The following ITGA8 variants were observed in gnomAD, a reference collection of about 807,000 sequenced individuals.
ITGA8 encodes the protein integrin subunit alpha 8.
A neutral mutation model predicts 142.3 loss-of-function variants in ITGA8; 91 were observed. That is an observed-to-expected ratio of 0.64 (90% CI 0.54 to 0.76). The LOEUF is 0.76. ITGA8 is among the 30% of genes least tolerant of loss of function. The pLI, the probability that ITGA8 is intolerant of heterozygous loss-of-function variation, is 0.00. For synonymous variants in ITGA8, 505 were observed against 485.2 expected, an observed-to-expected ratio of 1.04 and a Z score of -0.54; for missense variants, 1,406 against 1,327.7, an observed-to-expected ratio of 1.06 and a Z score of -0.92.
At chr10:15,674,141 A>T (rs2131689793) in intron 6 of ITGA8, among the ~76,000 whole-genome samples, 1 of 152,284 alleles carries the variant, frequency 6.6e-6, no homozygotes, top group Middle Eastern at 3.4e-3. Flanking sequence ...AGTGACTGGG[A>T]CTTGAAATGA....
chr10:15,653,093 C>T (rs183502365), intron 11 of ITGA8, among the ~76,000 whole-genome samples: 3 of 152,230 alleles, frequency 2.0e-5, no homozygotes, highest in African/African-American at 7.2e-5. Context: ...TCACGCTCCA[C>T]AGCTCTCTGC....
At position 15,579,902 on chromosome 10, in the gene ITGA8, T is replaced by C. The variant is rs987110907; in HGVS notation, c.2373-4308A>G. On this transcript the variant is annotated intron_variant, in intron 23 of 29. Transcript: ENST00000378076. ...AAATTTATAGCACTAAATGCTTATA[T>C]ACAAAAAAAGATCTCCAGTCAAGCA... Among the ~76,000 whole-genome samples, 8 of 151,544 alleles carry C rather than the reference T, an allele frequency of 5.3e-5. No individual in the cohort carries two copies. In the East Asian group the frequency reaches 1.5e-3, roughly 29 times the overall value.
At chr10:15,674,260 C>G (rs1438818943) in intron 6 of ITGA8, among the ~76,000 whole-genome samples, 13 of 152,224 alleles carry the variant, frequency 8.5e-5, no homozygotes, top group Admixed American at 7.9e-4. Flanking sequence ...TCCTCCATCC[C>G]ACATACACAC....
chr10:15,600,384 A>G (rs1166017923), intron 20 of ITGA8, among the ~76,000 whole-genome samples: 1 of 152,252 alleles, frequency 6.6e-6, no homozygotes, highest in Non-Finnish European at 1.5e-5. Context: ...TTAAGTCTCA[A>G]TTATTATTTG....
At chr10:15,644,864 C>T (rs558691597) in intron 12 of ITGA8, among the ~76,000 whole-genome samples, 28 of 151,660 alleles carry the variant, frequency 1.8e-4, no homozygotes, top group African/African-American at 5.8e-4. Flanking sequence ...GAGGCCGAGG[C>T]GGGCGGATCA....
chr10:15,616,694 C>A, intron 13 of ITGA8, 135 bp from the exon 14 acceptor site: 2 of 739,646 alleles, frequency 2.7e-6, no homozygotes, highest in South Asian at 1.6e-5. Context: ...AGAGAAATCA[C>A]ACCTTTCTTA....
intron 14 of ITGA8, among the ~76,000 whole-genome samples, chr10:15,615,889 C>G (rs564590778): frequency 6.6e-6 from 1 of 152,278 alleles, no homozygotes; most frequent in South Asian, 2.1e-4. Flanking sequence ...GTACACCACA[C>G]GCATATTCTC....
chr10:15,648,012 G>T lies in ITGA8; in HGVS notation c.1002-961C>A, dbSNP rs955881817. On this transcript the variant is annotated intron_variant, in intron 11 of 29. Coordinates refer to ENST00000378076, the MANE Select transcript of ITGA8 (RefSeq NM_003638.3). ...TTCAAGCAAATTATTTAGAGATAAAGATATAACCACCTGGAGAAAAAATAA... is the reference window on the plus strand; with the variant it reads ...TTCAAGCAAATTATTTAGAGATAAATATATAACCACCTGGAGAAAAAATAA... 2.0e-5 allele frequency among the ~76,000 whole-genome samples: 3 copies of T among 152,210 alleles called. No homozygotes were observed. The East Asian group carries it at 5.8e-4, about 29-fold the overall frequency.
chr10:15,670,684 C>CT (rs1316184917), intron 8 of ITGA8, among the ~76,000 whole-genome samples: 1 of 152,174 alleles, frequency 6.6e-6, no homozygotes, highest in Non-Finnish European at 1.5e-5. Context: ...GATTTGTTCT[C>CT]TTTTTTTCTT....
chr10:15,668,342 C>T (rs1306320137), intron 8 of ITGA8, among the ~76,000 whole-genome samples: 1 of 151,422 alleles, frequency 6.6e-6, no homozygotes, highest in Non-Finnish European at 1.5e-5. Context: ...GGATTGCAAC[C>T]CCTGCCTTTT....
intron 24 of ITGA8, among the ~76,000 whole-genome samples, chr10:15,573,702 T>C (rs1319481794): frequency 6.6e-6 from 1 of 152,136 alleles, no homozygotes; most frequent in Non-Finnish European, 1.5e-5. Flanking sequence ...ATGAAAGTCA[T>C]AGTCAGAATT....
intron 13 of ITGA8, among the ~76,000 whole-genome samples, chr10:15,639,209 G>A (rs1351711799): frequency 6.6e-6 from 1 of 152,078 alleles, no homozygotes; most frequent in Admixed American, 6.6e-5. Flanking sequence ...ACCACACAGA[G>A]GCAATGTTGG....
At chr10:15,626,225 T>C (rs1833579303) in intron 13 of ITGA8, among the ~76,000 whole-genome samples, 1 of 152,052 alleles carries the variant, frequency 6.6e-6, no homozygotes, top group South Asian at 2.1e-4. Flanking sequence ...ATGTTCTTTC[T>C]TTTCTTTTCT....
intron 23 of ITGA8, among the ~76,000 whole-genome samples, chr10:15,577,641 A>C (rs910155448): frequency 6.6e-6 from 1 of 152,206 alleles, no homozygotes; most frequent in Admixed American, 6.5e-5. Context: ...ATCCAGGGAA[A>C]CCATGGTAAA....
intron 13 of ITGA8, among the ~76,000 whole-genome samples, chr10:15,635,918 T>TACACACACACACACAC (rs4030579): frequency 1.9e-4 from 27 of 143,128 alleles, no homozygotes; most frequent in Admixed American, 1.6e-3. Context: ...TTGCTTATAC[T>TACACACACACACACAC]ACACACACAC....
chr10:15,670,178 G>A (rs1464547598), intron 8 of ITGA8, among the ~76,000 whole-genome samples: 1 of 152,182 alleles, frequency 6.6e-6, no homozygotes, highest in Non-Finnish European at 1.5e-5. Context: ...ACTTGCATTA[G>A]TGAAATGCAG....
chr10:15,709,167 T>C (rs1012580077), intron 2 of ITGA8, among the ~76,000 whole-genome samples: 2 of 152,258 alleles, frequency 1.3e-5, no homozygotes, highest in African/African-American at 2.4e-5. Flanking sequence ...TGCAGCCATT[T>C]ACCAACTCAG....
chr10:15,608,816 T>G (rs769288645), intron 15 of ITGA8, among the ~76,000 whole-genome samples: 4 of 151,964 alleles, frequency 2.6e-5, no homozygotes, highest in Non-Finnish European at 2.9e-5. Context: ...AAATGCAGAT[T>G]TAATCTTCAG....
chr10:15,527,323 C>T (rs1278285993), intron 28 of ITGA8, among the ~76,000 whole-genome samples: 1 of 152,186 alleles, frequency 6.6e-6, no homozygotes, highest in Admixed American at 6.5e-5. Flanking sequence ...TCACAGTTTA[C>T]ATATGAGTTT....
Sources: gnomAD v4.1 joint callset for allele counts (sites outside exome capture counted in the v4.1 genomes callset) on GRCh38, gnomAD v4.1.1 for gene constraint, MANE v1.5 for transcripts, NCBI Gene and HGNC (gene_info 2026-07-23, HGNC 2026-07-21) for gene names.